SCN1A: variants seen among roughly 807,000 people sequenced by gnomAD.
The protein encoded by SCN1A is sodium voltage-gated channel alpha subunit 1, also known as sodium channel protein type 1 subunit alpha.
A neutral mutation model predicts 193.7 loss-of-function variants in SCN1A; 13 were observed. The observed-to-expected ratio is 0.07, with a 90% CI of 0.04 to 0.11. The LOEUF is 0.11. Among genes scored for constraint, SCN1A ranks in the 10% least tolerant of loss-of-function variants. The pLI is 1.00. For synonymous variants in SCN1A, 781 were observed against 843.6 expected (o/e 0.93, Z 1.29); for missense variants, 1,432 against 2,451.1 (o/e 0.58, Z 8.78).
In SCN1A at chr2:165,985,910, T is replaced by C. The variant is rs993124653; in HGVS notation, c.*5335A>G. ...AATTACCAGACATATTTGCTGTCTT[T>C]AGTGCGACAAGTTTATATAGTTCGA... On this transcript the variant is annotated 3_prime_UTR_variant, in exon 29 of 29. Coordinates refer to ENST00000674923, the MANE Select transcript of SCN1A (RefSeq NM_001165963.4). 12 of 152,160 alleles carry C rather than the reference T, an allele frequency of 7.9e-5. No homozygotes were observed. Among genetic ancestry groups the C allele is most frequent in the Non-Finnish European group, 1.8e-4 (12 of 68,010 alleles). The allele number at this position is 152,160 out of a possible 1,614,324, so 9.4% of individuals were successfully genotyped here.
chr2:166,073,584 C>A lies in SCN1A; in HGVS notation c.38G>T (p.Ser13Ile), dbSNP rs1684704155. The change falls in exon 4 of 29, where the codon AGC becomes ATC. Residue 13 changes from serine to isoleucine, a missense_variant. Physicochemically the swap from Ser to Ile is moderately radical, Grantham distance 142 (BLOSUM62 -2). Transcript: ENST00000674923. Reference sequence around the variant, plus strand: ...AGATTCTCTGGTGAAGAAGTTGAAGCTGTCAGGTCCTGGTGGTACAAGCAC... The same window carrying A: ...AGATTCTCTGGTGAAGAAGTTGAAGATGTCAGGTCCTGGTGGTACAAGCAC... ...QTVLVPPGPD[S>I]FNFFTRESLA... 1.2e-6 allele frequency: 2 copies of A among 1,614,148 alleles called. No homozygotes were observed. The highest frequency in any genetic ancestry group is 1.7e-6 in the Non-Finnish European group (2 of 1,180,018).
In SCN1A at chr2:166,008,148, T is replaced by G. The variant is rs566862654; in HGVS notation, c.4002+1571A>C. On this transcript the variant is annotated intron_variant, in intron 23 of 28. Coordinates refer to ENST00000674923, the MANE Select transcript of SCN1A (RefSeq NM_001165963.4). ...CCAAGTTTCAAAAACTAACCTCTTT[T>G]AATATAAAAGGCATTATTGATTAAT... 3.3e-5 allele frequency among the ~76,000 whole-genome samples: 5 copies of G among 151,234 alleles called. No homozygotes were observed. In the East Asian group the frequency reaches 9.8e-4, roughly 30 times the overall value.
In SCN1A at chr2:166,011,453, C is replaced by G. The variant is rs145558779; in HGVS notation, c.3879+656G>C. Among the ~76,000 whole-genome samples, 208 of 151,162 alleles carry G rather than the reference C, an allele frequency of 1.4e-3. 2 individuals carry two copies. Among genetic ancestry groups the G allele is most frequent in the African/African-American group, 4.8e-3 (198 of 41,420 alleles). On this transcript the variant is annotated intron_variant, in intron 22 of 28. Coordinates refer to ENST00000674923, the MANE Select transcript of SCN1A (RefSeq NM_001165963.4). Reference sequence around the variant, plus strand: ...TTGGGGATACAAATTCTATAAAGGGCTGTTTGGGCTTGCCGTAAATCTAGT... The same window carrying G: ...TTGGGGATACAAATTCTATAAAGGGGTGTTTGGGCTTGCCGTAAATCTAGT...
intron 2 of SCN1A, among the ~76,000 whole-genome samples, chr2:166,123,047 C>T (rs972771093): frequency 2.6e-5 from 4 of 151,352 alleles, no homozygotes; most frequent in Non-Finnish European, 5.9e-5. Context: ...ACTACAGTGT[C>T]CATAGGTAAC....
intron 10 of SCN1A, among the ~76,000 whole-genome samples, 178 bp downstream of exon 10, chr2:166,048,708 A>T (rs544035281): frequency 6.6e-6 from 1 of 152,244 alleles, no homozygotes; most frequent in Non-Finnish European, 1.5e-5. Flanking sequence ...TTTAGAAAAC[A>T]TAAATCTTAC....
At chr2:166,031,573 C>T (rs1695557750) in intron 19 of SCN1A, among the ~76,000 whole-genome samples, 1 of 151,924 alleles carries the variant, frequency 6.6e-6, no homozygotes, top group Non-Finnish European at 1.5e-5. Flanking sequence ...ATCACCATCC[C>T]CAGATAAACT....
intron 24 of SCN1A, among the ~76,000 whole-genome samples, chr2:166,001,576 C>T (rs1690851285): frequency 6.6e-6 from 1 of 151,488 alleles, no homozygotes; most frequent in Non-Finnish European, 1.5e-5. Context: ...AGAAATTGTA[C>T]AGTCTTTTTT....
intron 21 of SCN1A, 33 bp from the exon 22 acceptor site, chr2:166,012,315 C>T: frequency 6.6e-7 from 1 of 1,522,014 alleles, no homozygotes; most frequent in Non-Finnish European, 9.1e-7. Context: ...TATTAGCTTT[C>T]AAAAATAATT....
intron 1 of SCN1A, among the ~76,000 whole-genome samples, chr2:166,145,175 T>A (rs5027759): frequency 7.7e-5 from 10 of 129,564 alleles, no homozygotes; most frequent in Non-Finnish European, 1.3e-4. Flanking sequence ...TTTTTTTTTG[T>A]GGGGGACAGA....
chr2:166,040,932 A>G (rs1574200252), intron 16 of SCN1A, among the ~76,000 whole-genome samples: 1 of 152,214 alleles, frequency 6.6e-6, no homozygotes, highest in South Asian at 2.1e-4. Flanking sequence ...TTGTAATAAT[A>G]TCTCAAAAAG....
intron 2 of SCN1A, among the ~76,000 whole-genome samples, chr2:166,102,519 A>G (rs1688212790): frequency 6.7e-6 from 1 of 150,096 alleles, no homozygotes; most frequent in Non-Finnish European, 1.5e-5. Flanking sequence ...AAAAAAGAAA[A>G]AAAAGAAAAA....
chr2:166,052,998 T>A, intron 7 of SCN1A, 55 bp from the exon 8 acceptor site: 1 of 1,486,916 alleles, frequency 6.7e-7, no homozygotes, highest in Non-Finnish European at 9.4e-7. Context: ...GAAAAAGCTG[T>A]AGGTACAAAG....
At chr2:166,002,024 TCAG>T (rs1467101381) in intron 24 of SCN1A, among the ~76,000 whole-genome samples, 8 of 151,168 alleles carry the variant, frequency 5.3e-5, no homozygotes, top group Non-Finnish European at 1.2e-4. Flanking sequence ...ATAATAGAAC[TCAG>T]CAGCAGTTAA....
At chr2:166,061,429 G>A (rs185897802) in intron 4 of SCN1A, among the ~76,000 whole-genome samples, 364 of 152,162 alleles carry the variant, frequency 2.4e-3, no homozygotes, top group African/African-American at 8.5e-3. Flanking sequence ...GGAAAGGTGG[G>A]GACAGAGAGA....
intron 4 of SCN1A, among the ~76,000 whole-genome samples, chr2:166,065,527 C>T (rs1392830851): frequency 2.0e-5 from 3 of 152,138 alleles, no homozygotes; most frequent in Non-Finnish European, 4.4e-5. Context: ...TCTTCCTTTT[C>T]TGGCTCACTG....
intron 9 of SCN1A, among the ~76,000 whole-genome samples, chr2:166,049,443 A>G (rs6755433): frequency 0.49 from 73,825 of 151,698 alleles, 18,614 homozygotes; most frequent in East Asian, 0.56. Context: ...TATACATTTT[A>G]ATAATTAAGT....
intron 2 of SCN1A, among the ~76,000 whole-genome samples, chr2:166,115,517 A>G (rs1443668173): frequency 6.6e-6 from 1 of 152,226 alleles, no homozygotes; most frequent in African/African-American, 2.4e-5. Flanking sequence ...CATAGTATAT[A>G]TAAGTAGTTC....
chr2:165,998,587 G>T (rs1383833636), intron 25 of SCN1A, among the ~76,000 whole-genome samples: 1 of 151,214 alleles, frequency 6.6e-6, no homozygotes, highest in Non-Finnish European at 1.5e-5. Context: ...GAAATGAGTT[G>T]TTCATTCAGA....
intron 4 of SCN1A, among the ~76,000 whole-genome samples, chr2:166,063,515 C>T (rs1294192364): frequency 6.6e-6 from 1 of 152,016 alleles, no homozygotes; most frequent in Non-Finnish European, 1.5e-5. Flanking sequence ...CCCTGTGCTA[C>T]ATTCTAAAGA....
Sources: allele counts gnomAD v4.1 joint callset (sites outside exome capture counted in the v4.1 genomes callset), GRCh38; gene constraint gnomAD v4.1.1; transcripts MANE v1.5; gene names NCBI Gene and HGNC (gene_info 2026-07-23, HGNC 2026-07-21).